The following ADGRL3 variants were observed in gnomAD, a reference collection of about 807,000 sequenced individuals.
The protein encoded by ADGRL3 is adhesion G protein-coupled receptor L3.
In ADGRL3, 62 loss-of-function variants were observed where a neutral mutation model predicts 153.5. The ratio of observed to expected loss-of-function variants is 0.40; its 90% confidence interval spans 0.33 to 0.50. The LOEUF is 0.50. Ranked by LOEUF, ADGRL3 falls within the 20% of genes least tolerant of loss-of-function variation. The pLI, the probability that ADGRL3 is intolerant of heterozygous loss-of-function variation, is 0.47. For missense variants in ADGRL3, 1,641 were observed against 1,859.4 expected (o/e 0.88, Z 2.16); for synonymous variants, 710 against 672.5 (o/e 1.06, Z -0.86).
chr4:61,261,477 G>A (rs2092517322), intron 1 of ADGRL3, among the ~76,000 whole-genome samples: 1 of 151,994 alleles, frequency 6.6e-6, no homozygotes, highest in African/African-American at 2.4e-5. Flanking sequence ...AATTTTTTCT[G>A]AATATTTTTG....
chr4:61,810,943 C>T (rs1014174946), intron 8 of ADGRL3, among the ~76,000 whole-genome samples: 3 of 152,050 alleles, frequency 2.0e-5, no homozygotes, highest in African/African-American at 7.2e-5. Flanking sequence ...AAAATCTGGT[C>T]AATGCTGACT....
intron 3 of ADGRL3, among the ~76,000 whole-genome samples, chr4:61,506,391 G>A (rs1041809816): frequency 6.6e-6 from 1 of 152,022 alleles, no homozygotes; most frequent in African/African-American, 2.4e-5. Context: ...AGACTGCATT[G>A]TATATTCTTA....
intron 24 of ADGRL3, 150 bp from the exon 25 acceptor site, chr4:62,044,303 A>T: frequency 1.7e-6 from 1 of 602,254 alleles, no homozygotes; most frequent in Non-Finnish European, 3.0e-6. Flanking sequence ...TGATGTTCTC[A>T]TGCTACTGTA....
Position 62,072,336 on chromosome 4 carries a change from A to G in ADGRL3, c.*1428A>G, listed in dbSNP as rs923023000. On this transcript the variant is annotated 3_prime_UTR_variant, in exon 27 of 27. Transcript: ENST00000683033. ...AGCACATATAATTTTTTTTTAATTT[A>G]TGATCCATTTTGTATGGTCTCAAAG... The G allele has an allele frequency of 6.6e-6, 1 of 152,552 alleles. No homozygotes were observed. Among genetic ancestry groups the G allele is most frequent in the Non-Finnish European group, 1.5e-5 (1 of 68,006 alleles). The allele number at this position is 152,552 out of a possible 1,614,324, so 9.4% of individuals were successfully genotyped here.
In ADGRL3 at chr4:62,076,921, A is replaced by G. The variant is rs1747334654; in HGVS notation, c.*6013A>G. On this transcript the variant is annotated 3_prime_UTR_variant, in exon 27 of 27. Transcript: ENST00000683033. Reference sequence around the variant, plus strand: ...ATTATATTAGAATTATGTACATTATACAAAATAATTCATAACCAAGAAATA... The same window carrying G: ...ATTATATTAGAATTATGTACATTATGCAAAATAATTCATAACCAAGAAATA... 1 of 151,404 alleles carries G rather than the reference A, an allele frequency of 6.6e-6. No homozygotes were observed. The highest frequency in any genetic ancestry group is 1.5e-5 in the Non-Finnish European group (1 of 67,736). The allele number at this position is 151,404 out of a possible 1,614,324, so 9.4% of individuals were successfully genotyped here. A position where few individuals can be genotyped will look rare whatever the true frequency, so the allele number is the denominator to read the frequency against.
intron 1 of ADGRL3, among the ~76,000 whole-genome samples, chr4:61,338,654 CAGG>C (rs2095739118): frequency 6.6e-6 from 1 of 152,052 alleles, no homozygotes; most frequent in Non-Finnish European, 1.5e-5. Context: ...ATTGGATGTC[CAGG>C]AGAACAATTT....
At chr4:61,839,618 G>A (rs1216423694) in intron 9 of ADGRL3, among the ~76,000 whole-genome samples, 1 of 151,380 alleles carries the variant, frequency 6.6e-6, no homozygotes, top group East Asian at 1.9e-4. Context: ...TAATTGTTTG[G>A]TTGATATTGC....
intron 5 of ADGRL3, among the ~76,000 whole-genome samples, chr4:61,611,726 G>C (rs1475010526): frequency 2.0e-5 from 3 of 152,090 alleles, no homozygotes; most frequent in Non-Finnish European, 4.4e-5. Context: ...TTCAAGACCA[G>C]TCTGGGTAAT....
intron 1 of ADGRL3, among the ~76,000 whole-genome samples, chr4:61,314,218 T>A (rs2095121245): frequency 6.6e-6 from 1 of 152,022 alleles, no homozygotes; most frequent in Non-Finnish European, 1.5e-5. Context: ...GTTTTTTTTT[T>A]TTTTTTCTGA....
intron 11 of ADGRL3, among the ~76,000 whole-genome samples, chr4:61,903,439 A>G (rs974384679): frequency 1.2e-4 from 19 of 152,278 alleles, no homozygotes; most frequent in Admixed American, 3.3e-4. Flanking sequence ...GCTGTATAAG[A>G]TTCATCTTTT....
At chr4:61,595,128 A>G (rs749912686) in intron 5 of ADGRL3, among the ~76,000 whole-genome samples, 17 of 152,172 alleles carry the variant, frequency 1.1e-4, no homozygotes, top group Admixed American at 8.5e-4. Context: ...ACCTCGACTC[A>G]GGGACTCCAA....
chr4:61,539,232 C>A (rs536274888), intron 4 of ADGRL3, among the ~76,000 whole-genome samples: 4 of 152,166 alleles, frequency 2.6e-5, no homozygotes, highest in African/African-American at 4.8e-5. Flanking sequence ...GTGCAGCTGC[C>A]GCAAAATGCA....
intron 3 of ADGRL3, among the ~76,000 whole-genome samples, chr4:61,514,288 T>C (rs187903333): frequency 6.6e-6 from 1 of 152,236 alleles, no homozygotes; most frequent in East Asian, 1.9e-4. Flanking sequence ...GGGAGATCTG[T>C]ATGGCAGGAA....
intron 1 of ADGRL3, among the ~76,000 whole-genome samples, chr4:61,334,482 A>G (rs572791341): frequency 1.3e-5 from 2 of 152,268 alleles, no homozygotes; most frequent in East Asian, 1.9e-4. Context: ...AAATGGTGTC[A>G]AAGAAGGATC....
At chr4:61,801,788 A>G (rs183222499) in intron 8 of ADGRL3, among the ~76,000 whole-genome samples, 69 of 152,302 alleles carry the variant, frequency 4.5e-4, no homozygotes, top group Non-Finnish European at 8.4e-4. Flanking sequence ...TCCTGAAAGT[A>G]TATTATCAAG....
At chr4:61,550,682 G>A (rs2098736278) in intron 4 of ADGRL3, among the ~76,000 whole-genome samples, 1 of 151,954 alleles carries the variant, frequency 6.6e-6, no homozygotes, top group African/African-American at 2.4e-5. Flanking sequence ...GAATACTTTG[G>A]TGTGGGGAAT....
At chr4:61,499,778 C>A (rs1318512496) in intron 3 of ADGRL3, among the ~76,000 whole-genome samples, 3 of 151,982 alleles carry the variant, frequency 2.0e-5, no homozygotes, top group African/African-American at 7.2e-5. Flanking sequence ...TTCAAAAGAT[C>A]AATCTAAAAT....
At chr4:61,252,083 A>G (rs973064254) in intron 1 of ADGRL3, among the ~76,000 whole-genome samples, 4 of 151,928 alleles carry the variant, frequency 2.6e-5, no homozygotes, top group Non-Finnish European at 5.9e-5. Flanking sequence ...AGGTTTTGCC[A>G]TGTTGGCCAG....
intron 2 of ADGRL3, among the ~76,000 whole-genome samples, chr4:61,456,501 C>A (rs1435317472): frequency 2.7e-5 from 3 of 109,224 alleles, no homozygotes; most frequent in Admixed American, 1.1e-4. Context: ...ATATCTATAT[C>A]TATATATATA....
Sources: allele counts gnomAD v4.1 joint callset (sites outside exome capture counted in the v4.1 genomes callset), GRCh38; gene constraint gnomAD v4.1.1; transcripts MANE v1.5; gene names NCBI Gene and HGNC (gene_info 2026-07-23, HGNC 2026-07-21).